The following TRAK1 variants were observed in gnomAD, a reference collection of about 807,000 sequenced individuals.
TRAK1 encodes trafficking kinesin-binding protein 1.
A neutral mutation model predicts 92.1 loss-of-function variants in TRAK1; 33 were observed. The observed-to-expected ratio is 0.36, with a 90% CI of 0.27 to 0.48. TRAK1 has a LOEUF of 0.48. Ranked by LOEUF, TRAK1 falls within the 20% of genes least tolerant of loss-of-function variation. TRAK1 has a pLI of 0.99. For synonymous variants in TRAK1, 521 were observed against 517.3 expected, an observed-to-expected ratio of 1.01 and a Z score of -0.10; for missense variants, 1,123 against 1,257.9, an observed-to-expected ratio of 0.89 and a Z score of 1.62.
chr3:42,191,730 C>A, intron 7 of TRAK1, 94 bp downstream of exon 7: 1 of 1,342,294 alleles, frequency 7.4e-7, no homozygotes, highest in South Asian at 1.4e-5. Context: ...AGTCTCCTGC[C>A]AGCCTACGGC....
At chr3:42,199,473 A>C (rs1707218090) in intron 11 of TRAK1, among the ~76,000 whole-genome samples, 1 of 152,174 alleles carries the variant, frequency 6.6e-6, no homozygotes. Flanking sequence ...TATTTTTTAG[A>C]GATGGGGTGT....
intron 13 of TRAK1, among the ~76,000 whole-genome samples, chr3:42,205,239 G>A (rs139077744): frequency 2.0e-5 from 3 of 152,240 alleles, no homozygotes; most frequent in African/African-American, 4.8e-5. Context: ...TTGAGATCTG[G>A]ACCAGCACTA....
chr3:42,119,152 G>T (rs1008092690), intron 1 of TRAK1, among the ~76,000 whole-genome samples: 1 of 152,216 alleles, frequency 6.6e-6, no homozygotes, highest in South Asian at 2.1e-4. Context: ...CTCTTGAGGG[G>T]CTCACAATTA....
upstream of TRAK1, among the ~76,000 whole-genome samples, chr3:42,082,647 A>T (rs950320321): frequency 6.6e-6 from 1 of 151,198 alleles, no homozygotes; most frequent in Non-Finnish European, 1.5e-5. Flanking sequence ...TACATATTAG[A>T]GCCTTTGTTA....
intron 1 of TRAK1, among the ~76,000 whole-genome samples, chr3:42,063,386 G>C (rs558336888): frequency 2.0e-5 from 3 of 152,328 alleles, no homozygotes; most frequent in Admixed American, 2.0e-4. Flanking sequence ...TGCAGTTCTT[G>C]CTCTTTTGTA....
chr3:42,024,097 G>A (rs930168039), intron 1 of TRAK1, among the ~76,000 whole-genome samples: 18 of 152,034 alleles, frequency 1.2e-4, no homozygotes, highest in African/African-American at 4.1e-4. Flanking sequence ...GCAGTGGGAC[G>A]TCTGGGCCTG....
In TRAK1 at chr3:42,202,882, G is replaced by A; in HGVS notation, c.1744+130G>A. ...TTCTTCCGCGACAGCCACCCGCGCT[G>A]CTGGTTTGAGTTCCTCTGAGGGTGG... On this transcript the variant is annotated intron_variant, in intron 13 of 15. Coordinates refer to ENST00000327628, the MANE Select transcript of TRAK1 (RefSeq NM_001042646.3). The surrounding 1 kb of genome is among the most constrained non-coding windows in gnomAD (Gnocchi z 6.1). 6.8e-7 allele frequency: 1 copy of A among 1,461,114 alleles called. No homozygotes were observed. Among genetic ancestry groups the A allele is most frequent in the Non-Finnish European group, 9.1e-7 (1 of 1,104,522 alleles). The allele number at this position is 1,461,114 out of a possible 1,614,324, so 90.5% of individuals were successfully genotyped here. A position where few individuals can be genotyped will look rare whatever the true frequency, so the allele number is the denominator to read the frequency against.
At chr3:42,070,248 AATTATT>A (rs34910940) in intron 1 of TRAK1, among the ~76,000 whole-genome samples, 1 of 146,290 alleles carries the variant, frequency 6.8e-6, no homozygotes, top group African/African-American at 2.5e-5. Flanking sequence ...GAATAATAAT[AATTATT>A]ATAATTATAA....
rs554574218 is a variant in TRAK1, at chr3:42,169,321, T to C, written c.287-7493T>C. Among the ~76,000 whole-genome samples the C allele has an allele frequency of 2.6e-5, 4 of 152,332 alleles. No individual in the cohort carries two copies. The South Asian group carries it at 8.3e-4, about 32-fold the overall frequency. ...TTCCTTTTTATGACTCAATATTCCA[T>C]TGTATGGACATACCTACTGTGTTTA... is the stretch of plus-strand genomic sequence containing the variant. On this transcript the variant is annotated intron_variant, in intron 2 of 15. Coordinates refer to ENST00000327628, the MANE Select transcript of TRAK1 (RefSeq NM_001042646.3).
Position 42,139,339 on chromosome 3 carries a change from C to T in TRAK1, c.286+13725C>T, listed in dbSNP as rs145079034. 4.6e-5 allele frequency among the ~76,000 whole-genome samples: 7 copies of T among 152,212 alleles called. No homozygotes were observed. In the East Asian group the frequency reaches 5.8e-4, roughly 13 times the overall value. ...TTTCACCACTGTTAGTTGACACAGA[C>T]GTCTGCAGGATCAAAGGTAGAAGCA... On this transcript the variant is annotated intron_variant, in intron 2 of 15. Coordinates refer to ENST00000327628, the MANE Select transcript of TRAK1 (RefSeq NM_001042646.3).
intron 6 of TRAK1, among the ~76,000 whole-genome samples, chr3:42,190,560 C>A (rs1057130477): frequency 2.0e-5 from 3 of 152,158 alleles, no homozygotes; most frequent in African/African-American, 4.8e-5. Context: ...CCAGCACCTG[C>A]CCCAGGTAAA....
At chr3:42,143,056 A>C (rs765123750) in intron 2 of TRAK1, among the ~76,000 whole-genome samples, 3 of 152,196 alleles carry the variant, frequency 2.0e-5, no homozygotes, top group Non-Finnish European at 2.9e-5. Context: ...GTCTAACCTA[A>C]ATCTGGGCAC....
chr3:42,176,535 C>T (rs955871090), intron 2 of TRAK1, among the ~76,000 whole-genome samples: 1 of 152,184 alleles, frequency 6.6e-6, no homozygotes, highest in Non-Finnish European at 1.5e-5. Flanking sequence ...CCCTTCCACT[C>T]CATTGCTTCA....
rs755441302 is a variant in TRAK1, at chr3:42,210,186, A to G, written c.1963+201A>G. ...TTTCCCGGAGGCAGAGTTTTGGGCC[A>G]TTCTCACCTCTGTTCCAGGCACCAT... On this transcript the variant is annotated intron_variant, in intron 14 of 15. Coordinates refer to ENST00000327628, the MANE Select transcript of TRAK1 (RefSeq NM_001042646.3). 5 of 1,576,734 alleles carry G rather than the reference A, an allele frequency of 3.2e-6. No homozygotes were observed. In the African/African-American group the frequency reaches 5.4e-5, roughly 17 times the overall value.
In TRAK1 at chr3:42,179,419, G is replaced by A. The variant is rs76173042; in HGVS notation, c.363+2529G>A. Among the ~76,000 whole-genome samples, 1,003 of 152,338 alleles carry A rather than the reference G, an allele frequency of 6.6e-3. 7 individuals are homozygous for A. The highest frequency in any genetic ancestry group is 0.021 in the African/African-American group (877 of 41,586). ...TCCCAAAGCACAGCCTTCCACCAGC[G>A]TGGAGAGTTCGCTTCTGGTTTTAAG... On this transcript the variant is annotated intron_variant, in intron 3 of 15. Transcript: ENST00000327628.
intron 2 of TRAK1, among the ~76,000 whole-genome samples, chr3:42,145,377 T>G (rs1039314390): frequency 2.0e-5 from 3 of 152,010 alleles, no homozygotes; most frequent in Non-Finnish European, 1.5e-5. Flanking sequence ...TCCCAGCTAC[T>G]TGGGAGGCCG....
intron 2 of TRAK1, among the ~76,000 whole-genome samples, chr3:42,127,783 C>T (rs1710781396): frequency 6.6e-6 from 1 of 152,272 alleles, no homozygotes; most frequent in South Asian, 2.1e-4. Context: ...TGTAAAATGC[C>T]TACAGTTGGG....
intron 2 of TRAK1, among the ~76,000 whole-genome samples, chr3:42,151,891 A>G (rs1351366185): frequency 6.6e-6 from 1 of 152,238 alleles, no homozygotes; most frequent in Non-Finnish European, 1.5e-5. Context: ...AAGCTTTTAC[A>G]GAACTTTTGA....
chr3:42,055,297 C>T (rs1424043177), intron 1 of TRAK1, among the ~76,000 whole-genome samples: 2 of 152,030 alleles, frequency 1.3e-5, no homozygotes, highest in Non-Finnish European at 2.9e-5. Flanking sequence ...AGAAACTGCC[C>T]GTAAAACTCT....
Sources: gnomAD v4.1 joint callset for allele counts (sites outside exome capture counted in the v4.1 genomes callset) on GRCh38, gnomAD v4.1.1 for gene constraint, Gnocchi (gnomAD v3.1) non-coding constraint, MANE v1.5 for transcripts, NCBI Gene and HGNC (gene_info 2026-07-23, HGNC 2026-07-21) for gene names.